PCSK6: variants seen among roughly 807,000 people sequenced by gnomAD.
PCSK6 encodes the protein paired basic amino acid cleaving enzyme 4.
PCSK6 carries 85 observed loss-of-function variants against 123.3 expected under a neutral mutation model. That is an observed-to-expected ratio of 0.69 (90% CI 0.58 to 0.83). The LOEUF is 0.83. PCSK6 is among the 40% of genes least tolerant of loss of function. The probability of loss-of-function intolerance (pLI) is 0.00; values close to 1 mark genes in which losing one functional copy is unlikely to be tolerated. For missense variants in PCSK6, 1,191 were observed against 1,282.3 expected (o/e 0.93, Z 1.09); for synonymous variants, 508 against 516.0 (o/e 0.98, Z 0.21).
At chr15:101,311,021 G>A (rs925994210) in intron 20 of PCSK6, among the ~76,000 whole-genome samples, 49 of 152,220 alleles carry the variant, frequency 3.2e-4, no homozygotes, top group Non-Finnish European at 8.8e-5. Flanking sequence ...GGATCATGGG[G>A]TGGATCCCTC....
intron 1 of PCSK6, among the ~76,000 whole-genome samples, chr15:101,479,253 C>T (rs1338278340): frequency 6.6e-6 from 1 of 152,118 alleles, no homozygotes; most frequent in East Asian, 1.9e-4. Flanking sequence ...GAAGGGGCCC[C>T]CAGGTTAAAA....
At chr15:101,319,328 G>A (rs1251388944) in intron 18 of PCSK6, among the ~76,000 whole-genome samples, 1 of 152,178 alleles carries the variant, frequency 6.6e-6, no homozygotes, top group Non-Finnish European at 1.5e-5. Flanking sequence ...CAAGGGCTCT[G>A]GGGTGCATCT....
intron 20 of PCSK6, among the ~76,000 whole-genome samples, chr15:101,310,954 G>A (rs2039844986): frequency 6.6e-6 from 1 of 152,168 alleles, no homozygotes; most frequent in Admixed American, 6.5e-5. Context: ...TCCCCTCCAA[G>A]TGTCATGATG....
intron 1 of PCSK6, 152 bp from the exon 2 acceptor site, chr15:101,443,812 T>C (rs901656430): frequency 4.7e-6 from 3 of 635,864 alleles, no homozygotes; most frequent in African/African-American, 1.8e-5. Flanking sequence ...ATCTCTGGCA[T>C]GTGTGCAGTG....
chr15:101,454,558 G>A (rs1037481795), intron 1 of PCSK6, among the ~76,000 whole-genome samples: 3 of 152,178 alleles, frequency 2.0e-5, no homozygotes, highest in Non-Finnish European at 2.9e-5. Context: ...CCCTGTATGC[G>A]GTACCTGGAA....
At chr15:101,362,058 A>G (rs1048595828) in intron 13 of PCSK6, among the ~76,000 whole-genome samples, 7 of 147,952 alleles carry the variant, frequency 4.7e-5, no homozygotes, top group South Asian at 2.1e-4. Context: ...CCAGGTTCAC[A>G]CCATTCTCTT....
chr15:101,314,376 G>C (rs1242745621), intron 19 of PCSK6, among the ~76,000 whole-genome samples: 2 of 152,132 alleles, frequency 1.3e-5, no homozygotes, highest in African/African-American at 4.8e-5. Context: ...GGGCAGTGAA[G>C]TAGTCACTGA....
intron 15 of PCSK6, among the ~76,000 whole-genome samples, chr15:101,330,783 G>T (rs2141370021): frequency 6.6e-6 from 1 of 152,314 alleles, no homozygotes; most frequent in African/African-American, 2.4e-5. Context: ...ACTGAATCTT[G>T]CCACAGTTTA....
chr15:101,472,807 G>A (rs1596373812), intron 1 of PCSK6, among the ~76,000 whole-genome samples: 1 of 152,230 alleles, frequency 6.6e-6, no homozygotes. Context: ...ATAGTTCTCT[G>A]TAGCCATTGA....
chr15:101,362,539 A>AAGGGGCAC (rs1349504224), intron 13 of PCSK6, among the ~76,000 whole-genome samples: 3 of 152,126 alleles, frequency 2.0e-5, no homozygotes, highest in African/African-American at 7.2e-5. Context: ...CGAGATGCAC[A>AAGGGGCAC]AGGGGCAGCC....
intron 1 of PCSK6, among the ~76,000 whole-genome samples, chr15:101,454,154 G>A (rs2057112014): frequency 6.6e-6 from 1 of 152,256 alleles, no homozygotes; most frequent in African/African-American, 2.4e-5. Context: ...TGAAAGACAT[G>A]TTGGAAATTC....
chr15:101,445,706 G>C (rs2056871024), intron 1 of PCSK6, among the ~76,000 whole-genome samples: 1 of 152,188 alleles, frequency 6.6e-6, no homozygotes, highest in East Asian at 1.9e-4. Flanking sequence ...CATCATCCCT[G>C]GGAGACGTTA....
chr15:101,310,841 C>T (rs963112066), intron 20 of PCSK6, among the ~76,000 whole-genome samples: 4 of 152,170 alleles, frequency 2.6e-5, no homozygotes, highest in African/African-American at 7.2e-5. Context: ...CAGCTGGCAG[C>T]CAGCCATGGG....
chr15:101,485,644 C>A (rs145328416), intron 1 of PCSK6, among the ~76,000 whole-genome samples: 168 of 152,276 alleles, frequency 1.1e-3, no homozygotes, highest in African/African-American at 3.8e-3. Context: ...AATAGCCCAT[C>A]CTTCCCCATC....
intron 13 of PCSK6, among the ~76,000 whole-genome samples, chr15:101,341,585 G>T (rs1228841213): frequency 2.0e-5 from 3 of 152,048 alleles, no homozygotes; most frequent in Non-Finnish European, 4.4e-5. Flanking sequence ...TTTTTAAAGT[G>T]CTGGAATAAA....
In PCSK6 at chr15:101,489,289, G is replaced by T; in HGVS notation, c.297+85C>A. 3.4e-6 allele frequency: 3 copies of T among 873,440 alleles called. 1 individual carries two copies. The highest frequency in any genetic ancestry group is 1.4e-6 in the Non-Finnish European group (1 of 717,510). 54.1% of individuals were successfully genotyped at this position (873,440 alleles called of 1,614,324 possible). On this transcript the variant is annotated intron_variant, in intron 1 of 21. Transcript: ENST00000611716. The stretch of plus-strand genomic sequence containing the variant: ...CACGCGCGCGCGGGGCCGGGGCCGG[G>T]CGGACAGGACTGCGGAGGCGCCCCC...
intron 6 of PCSK6, among the ~76,000 whole-genome samples, chr15:101,424,069 G>T (rs539314022): frequency 6.6e-6 from 1 of 151,938 alleles, no homozygotes; most frequent in East Asian, 1.9e-4. Flanking sequence ...AAGGAAAAAG[G>T]TGTGTGTTTT....
chr15:101,429,706 T>C (rs1198141768), intron 5 of PCSK6, among the ~76,000 whole-genome samples: 1 of 152,236 alleles, frequency 6.6e-6, no homozygotes, highest in Non-Finnish European at 1.5e-5. Flanking sequence ...TTTTAAAATA[T>C]TTCAAGAAAG....
intron 1 of PCSK6, among the ~76,000 whole-genome samples, chr15:101,454,482 T>G (rs1343961488): frequency 6.6e-6 from 1 of 152,098 alleles, no homozygotes; most frequent in Non-Finnish European, 1.5e-5. Flanking sequence ...ACAACACAGA[T>G]GAGCCTGGAG....
Sources: gnomAD v4.1 joint callset for allele counts (sites outside exome capture counted in the v4.1 genomes callset) on GRCh38, gnomAD v4.1.1 for gene constraint, MANE v1.5 for transcripts, NCBI Gene and HGNC (gene_info 2026-07-23, HGNC 2026-07-21) for gene names.